FAM186A: variants seen among roughly 807,000 people sequenced by gnomAD.
FAM186A encodes the protein protein FAM186A.
In FAM186A, 163 loss-of-function variants were observed where a neutral mutation model predicts 216.8. The ratio of observed to expected loss-of-function variants is 0.75; its 90% CI spans 0.66 to 0.86. The LOEUF is 0.86. Ranked by LOEUF, FAM186A falls within the 40% of genes least tolerant of loss-of-function variation. The pLI is 0.00. For synonymous variants in FAM186A, 805 were observed against 1,025.3 expected, an observed-to-expected ratio of 0.79 and a Z score of 4.10; for missense variants, 2,184 against 2,746.2, an observed-to-expected ratio of 0.80 and a Z score of 4.58.
In FAM186A at chr12:50,350,550, AG is replaced by A; in HGVS notation, c.6281del (p.Pro2094LeufsTer23). On this transcript the variant is annotated frameshift_variant, in exon 4 of 8. Coordinates refer to ENST00000327337, the MANE Select transcript of FAM186A (RefSeq NM_001145475.3). LOFTEE classifies it high-confidence loss of function. ...TTTCTTCAAGTTCTTGAGGAGAGGAAGGGGGCACCATTACTTTGGGTTTCTT... is the reference window on the plus strand; with the variant it reads ...TTTCTTCAAGTTCTTGAGGAGAGGAAGGGGCACCATTACTTTGGGTTTCTT... The part of the protein sequence containing the change: ...DTKKPKVMVP[P>X]SSPQELEEKR... 1 of 1,551,592 alleles carries A rather than the reference AG, an allele frequency of 6.4e-7. No homozygotes were observed. The highest frequency in any genetic ancestry group is 1.2e-5 in the South Asian group (1 of 84,058).
intron 3 of FAM186A, among the ~76,000 whole-genome samples, chr12:50,360,391 GT>G (rs35875720): frequency 1.3e-4 from 19 of 146,224 alleles, no homozygotes; most frequent in Admixed American, 2.7e-4. Flanking sequence ...CAATAAAGCT[GT>G]TTTTTTTTTT....
chr12:50,357,493 T>G (rs556636665), intron 3 of FAM186A, among the ~76,000 whole-genome samples: 1 of 123,674 alleles, frequency 8.1e-6, no homozygotes, highest in African/African-American at 3.0e-5. Flanking sequence ...AGAGTGAGAC[T>G]CTGTCTGAAA....
intron 1 of FAM186A, among the ~76,000 whole-genome samples, chr12:50,372,958 G>A (rs2136101700): frequency 7.4e-6 from 1 of 134,652 alleles, no homozygotes; most frequent in Middle Eastern, 4.1e-3. Context: ...GGAGGAAGGA[G>A]GGAGGGAGGG....
intron 6 of FAM186A, 38 bp downstream of exon 6, chr12:50,331,632 A>T: frequency 8.6e-6 from 13 of 1,518,114 alleles, no homozygotes; most frequent in Non-Finnish European, 1.1e-5. Context: ...GGTCCCACAT[A>T]TCGTCCAAAG....
intron 4 of FAM186A, among the ~76,000 whole-genome samples, chr12:50,345,679 G>C (rs950445443): frequency 6.6e-6 from 1 of 151,914 alleles, no homozygotes; most frequent in African/African-American, 2.4e-5. Flanking sequence ...TTTATTTCTG[G>C]GTTCTCTATT....
chr12:50,344,018 C>G (rs1014367687), intron 4 of FAM186A, among the ~76,000 whole-genome samples: 1 of 145,592 alleles, frequency 6.9e-6, no homozygotes, highest in Admixed American at 7.0e-5. Context: ...TCCCAAAGTA[C>G]TAGGATTACA....
chr12:50,344,990 G>A (rs1306149029), intron 4 of FAM186A, among the ~76,000 whole-genome samples: 2 of 152,056 alleles, frequency 1.3e-5, no homozygotes, highest in Admixed American at 6.6e-5. Context: ...GGTGGCTCAC[G>A]CCTGTAATCC....
intron 5 of FAM186A, 150 bp from the exon 6 acceptor site, chr12:50,331,971 C>T: frequency 3.1e-6 from 2 of 650,908 alleles, no homozygotes; most frequent in Non-Finnish European, 2.5e-6. Context: ...CTCCAACATG[C>T]ATCATTTTAG....
In FAM186A at chr12:50,355,962, A is replaced by G; in HGVS notation, c.870T>C (p.Tyr290=). 1.3e-6 allele frequency: 2 copies of G among 1,551,616 alleles called. No individual in the cohort carries two copies. The highest frequency in any genetic ancestry group is 1.2e-5 in the South Asian group (1 of 84,064). Residue 290 remains tyrosine, a synonymous_variant, in exon 4 of 8, where the codon TAT becomes TAC. Coordinates refer to ENST00000327337, the MANE Select transcript of FAM186A (RefSeq NM_001145475.3). ...KCVNFQSSTV[Y]AHETSEAEKE... is the part of the protein sequence containing the mutation. Reference sequence around the variant, plus strand: ...TTTCTGCTTCACTTGTCTCATGTGCATACACAGTGGAACTTTGGAAGTTAA... The same window carrying G: ...TTTCTGCTTCACTTGTCTCATGTGCGTACACAGTGGAACTTTGGAAGTTAA...
At chr12:50,343,676 T>A (rs1203766584) in intron 4 of FAM186A, among the ~76,000 whole-genome samples, 2 of 152,168 alleles carry the variant, frequency 1.3e-5, no homozygotes, top group Admixed American at 1.3e-4. Flanking sequence ...TGGAGTGCAG[T>A]GGTGCAATCT....
At chr12:50,393,744 G>C (rs2136109680) in intron 1 of FAM186A, among the ~76,000 whole-genome samples, 1 of 152,262 alleles carries the variant, frequency 6.6e-6, no homozygotes, top group Middle Eastern at 3.4e-3. Flanking sequence ...AGCTACTTGG[G>C]AGGCTGAGGT....
chr12:50,339,217 A>C (rs564382270), intron 4 of FAM186A, among the ~76,000 whole-genome samples: 10 of 151,904 alleles, frequency 6.6e-5, no homozygotes, highest in South Asian at 2.1e-4. Context: ...GGGTCTCACT[A>C]TGTTGCCCAG....
intron 4 of FAM186A, among the ~76,000 whole-genome samples, chr12:50,348,849 C>T (rs550111746): frequency 4.6e-5 from 7 of 152,068 alleles, no homozygotes; most frequent in Admixed American, 2.0e-4. Context: ...AGCAACCACG[C>T]GTGGCCATTT....
intron 1 of FAM186A, among the ~76,000 whole-genome samples, chr12:50,364,584 A>T (rs1009408364): frequency 8.1e-6 from 1 of 123,700 alleles, no homozygotes; most frequent in Non-Finnish European, 1.8e-5. Context: ...TAAATAAAAT[A>T]AAAATAAAAA....
chr12:50,347,855 G>A (rs918867663), intron 4 of FAM186A, among the ~76,000 whole-genome samples: 1 of 151,884 alleles, frequency 6.6e-6, no homozygotes, highest in African/African-American at 2.4e-5. Context: ...ATTTGCCATG[G>A]CAACAACCTC....
rs1943411510 is a variant in FAM186A at position 50,396,234 on chromosome 12, T to C, written c.192+59A>G. ...TTTCTAAAATAAACAAAAATGTACTTGGTCACAGAAAGTTTAAAAAGAAAA... is the reference window on the plus strand; with the variant it reads ...TTTCTAAAATAAACAAAAATGTACTCGGTCACAGAAAGTTTAAAAAGAAAA... On this transcript the variant is annotated intron_variant, in intron 1 of 7. Coordinates refer to ENST00000327337, the MANE Select transcript of FAM186A (RefSeq NM_001145475.3). 6.7e-5 allele frequency: 94 copies of C among 1,404,748 alleles called. 1 individual carries two copies. In the South Asian group the frequency reaches 1.4e-3, roughly 20 times the overall value. 87.0% of individuals were successfully genotyped at this position (1,404,748 alleles called of 1,614,324 possible).
intron 1 of FAM186A, among the ~76,000 whole-genome samples, chr12:50,380,793 A>T (rs371976407): frequency 6.6e-5 from 10 of 152,062 alleles, no homozygotes; most frequent in Non-Finnish European, 1.5e-4. Flanking sequence ...GCTCAGGCCC[A>T]CTGGGCTCCT....
chr12:50,355,238 T>C lies in FAM186A; in HGVS notation c.1594A>G (p.Ser532Gly). ...RKHLSLTETK[S>G]QGGKSGTSMM... ...CTTGTTCCACTTTTGCCACCTTGGC[T>C]CTTTGTTTCAGTTAAAGAGAGATGT... The change falls in exon 4 of 8, where the codon AGC (serine) becomes GGC (glycine). Residue 532 changes from serine to glycine, a missense_variant. Physicochemically the swap from Ser to Gly is moderately conservative, Grantham distance 56. Transcript: ENST00000327337. The C allele has an allele frequency of 7.7e-6, 12 of 1,551,724 alleles. No homozygotes were observed. The highest frequency in any genetic ancestry group is 1.0e-5 in the Non-Finnish European group (12 of 1,146,994).
At chr12:50,384,577 G>T (rs1157354122) in intron 1 of FAM186A, among the ~76,000 whole-genome samples, 1 of 152,114 alleles carries the variant, frequency 6.6e-6, no homozygotes, top group Admixed American at 6.6e-5. Context: ...AAAACAGTGT[G>T]GTACTAGCAT....
Sources: gnomAD v4.1 joint callset for allele counts (sites outside exome capture counted in the v4.1 genomes callset) on GRCh38, gnomAD v4.1.1 for gene constraint, MANE v1.5 for transcripts, NCBI Gene and HGNC (gene_info 2026-07-23, HGNC 2026-07-21) for gene names.